The following AFF3 variants were observed in gnomAD, a reference collection of about 807,000 sequenced individuals.
AFF3 encodes the protein ALF transcription elongation factor 3.
AFF3 carries 32 observed loss-of-function variants against 129.7 expected under a neutral mutation model. That is an observed-to-expected ratio of 0.25 (90% CI 0.19 to 0.33). AFF3 has a LOEUF of 0.33. Ranked by LOEUF, AFF3 falls within the 10% of genes least tolerant of loss-of-function variation. The pLI is 1.00. For synonymous variants in AFF3, 644 were observed against 635.4 expected (o/e 1.01, Z -0.20); for missense variants, 1,373 against 1,592.0 (o/e 0.86, Z 2.34).
At chr2:100,112,917 T>A (rs1691574844) in intron 2 of AFF3, among the ~76,000 whole-genome samples, 1 of 152,230 alleles carries the variant, frequency 6.6e-6, no homozygotes, top group Admixed American at 6.5e-5. Context: ...TAATTCCATA[T>A]ACTTGGCACA....
rs772210712 is a variant in AFF3, at chr2:100,105,867, C to A, written c.-144-284G>T. The A allele has an allele frequency of 3.7e-6, 5 of 1,334,692 alleles. No individual in the cohort carries two copies. In the East Asian group the frequency reaches 1.7e-4, roughly 44 times the overall value. 82.7% of individuals were successfully genotyped at this position (1,334,692 alleles called of 1,614,324 possible). A position where few individuals can be genotyped will look rare whatever the true frequency, so the allele number is the denominator to read the frequency against. On this transcript the variant is annotated intron_variant, in intron 2 of 24. Transcript: ENST00000672756. ...AGCCCTGCAGTTGTGCCTCACCACG[C>A]GAACCAAACCTCGCACTCCCCGCCA...
intron 12 of AFF3, among the ~76,000 whole-genome samples, chr2:99,660,011 C>T (rs1686087615): frequency 6.6e-6 from 1 of 152,118 alleles, no homozygotes; most frequent in Admixed American, 6.5e-5. Context: ...TTGAGCAAGG[C>T]CAAGATGGCG....
intron 20 of AFF3, among the ~76,000 whole-genome samples, chr2:99,564,484 A>G (rs1396551356): frequency 2.6e-5 from 4 of 152,212 alleles, no homozygotes; most frequent in African/African-American, 9.6e-5. Context: ...ATTTAGTAGA[A>G]ATACTTTATT....
intron 2 of AFF3, among the ~76,000 whole-genome samples, chr2:100,119,521 G>T (rs1202569293): frequency 1.3e-5 from 2 of 152,200 alleles, no homozygotes; most frequent in Admixed American, 6.5e-5. Flanking sequence ...GCAAACAATG[G>T]TATGTTATTC....
At chr2:99,809,915 A>G (rs1046955719) in intron 8 of AFF3, among the ~76,000 whole-genome samples, 1 of 152,216 alleles carries the variant, frequency 6.6e-6, no homozygotes, top group Non-Finnish European at 1.5e-5. Flanking sequence ...CATTTTATTC[A>G]GGAGACCTCC....
chr2:99,889,682 A>T (rs187366535), intron 7 of AFF3, among the ~76,000 whole-genome samples: 128 of 152,218 alleles, frequency 8.4e-4, no homozygotes, highest in Admixed American at 1.8e-3. Context: ...TTTTTGAGAC[A>T]GAGTCTCACT....
At chr2:100,049,790 T>G (rs1294183725) in intron 4 of AFF3, among the ~76,000 whole-genome samples, 1 of 152,120 alleles carries the variant, frequency 6.6e-6, no homozygotes, top group Non-Finnish European at 1.5e-5. Flanking sequence ...ATATAAATAA[T>G]CCAATGGGCA....
At chr2:99,747,840 AAAC>A (rs1681296865) in intron 9 of AFF3, among the ~76,000 whole-genome samples, 2 of 152,170 alleles carry the variant, frequency 1.3e-5, no homozygotes, top group African/African-American at 4.8e-5. Context: ...TGGTACATTG[AAAC>A]AACAACTGCT....
chr2:100,030,885 A>C (rs1404707572), intron 4 of AFF3, among the ~76,000 whole-genome samples: 1 of 152,194 alleles, frequency 6.6e-6, no homozygotes, highest in African/African-American at 2.4e-5. Flanking sequence ...TAGGGCAGTG[A>C]AACTATTCTG....
chr2:99,974,860 C>A (rs886455453), intron 7 of AFF3, among the ~76,000 whole-genome samples: 1 of 152,158 alleles, frequency 6.6e-6, no homozygotes, highest in Non-Finnish European at 1.5e-5. Flanking sequence ...AATTGTGACA[C>A]GTGTGACAAA....
At chr2:99,933,496 A>AC (rs1180885543) in intron 7 of AFF3, among the ~76,000 whole-genome samples, 1 of 145,954 alleles carries the variant, frequency 6.9e-6, no homozygotes, top group Non-Finnish European at 1.5e-5. Flanking sequence ...CTTGCCCCCC[A>AC]CCCCCCGACA....
intron 8 of AFF3, among the ~76,000 whole-genome samples, chr2:99,832,301 G>A (rs1008392992): frequency 1.6e-4 from 24 of 152,182 alleles, no homozygotes; most frequent in African/African-American, 5.6e-4. Context: ...AGTATCAAAG[G>A]GCGAAGCTGT....
chr2:99,705,897 A>G (rs545040117), intron 11 of AFF3, among the ~76,000 whole-genome samples: 1 of 151,534 alleles, frequency 6.6e-6, no homozygotes, highest in South Asian at 2.1e-4. Flanking sequence ...AAAAAAAAAA[A>G]AAACACGCCC....
intron 7 of AFF3, among the ~76,000 whole-genome samples, chr2:99,997,077 C>G (rs1401671142): frequency 6.6e-6 from 1 of 152,128 alleles, no homozygotes; most frequent in Non-Finnish European, 1.5e-5. Context: ...GTCACCTGCC[C>G]TCACTCCCTG....
chr2:100,127,449 G>A (rs541352379), intron 2 of AFF3, among the ~76,000 whole-genome samples: 10 of 152,148 alleles, frequency 6.6e-5, no homozygotes, highest in Non-Finnish European at 1.3e-4. Flanking sequence ...GCTTGGTGTC[G>A]GAGTCAGAAC....
At chr2:99,690,256 C>T (rs1420223479) in intron 11 of AFF3, among the ~76,000 whole-genome samples, 2 of 149,586 alleles carry the variant, frequency 1.3e-5, no homozygotes, top group African/African-American at 4.9e-5. Flanking sequence ...TCTCGGCTCA[C>T]TGCAAGCTCC....
chr2:99,989,483 G>A (rs953292761), intron 7 of AFF3, among the ~76,000 whole-genome samples: 5 of 152,168 alleles, frequency 3.3e-5, no homozygotes, highest in South Asian at 2.1e-4. Flanking sequence ...GGCTGAGCCC[G>A]ACAATGGTTT....
intron 2 of AFF3, among the ~76,000 whole-genome samples, chr2:100,111,211 A>G (rs1456678402): frequency 3.3e-5 from 5 of 152,242 alleles, no homozygotes; most frequent in African/African-American, 9.6e-5. Flanking sequence ...TGAATATTGC[A>G]GCTAACCCAT....
chr2:99,597,228 T>C (rs551806016), intron 14 of AFF3, among the ~76,000 whole-genome samples: 33 of 152,324 alleles, frequency 2.2e-4, no homozygotes, highest in African/African-American at 7.7e-4. Flanking sequence ...CTGTTTGGCA[T>C]AGCCTCGTGA....
Sources: allele counts gnomAD v4.1 joint callset (sites outside exome capture counted in the v4.1 genomes callset), GRCh38; gene constraint gnomAD v4.1.1; transcripts MANE v1.5; gene names NCBI Gene and HGNC (gene_info 2026-07-23, HGNC 2026-07-21).